CTNND2: variants seen among roughly 807,000 people sequenced by gnomAD.
CTNND2 encodes catenin delta 2.
A neutral mutation model predicts 144.4 loss-of-function variants in CTNND2; 22 were observed. The observed-to-expected ratio is 0.15, with a 90% CI of 0.11 to 0.22. The LOEUF is 0.22. Among genes scored for constraint, CTNND2 ranks in the 10% least tolerant of loss-of-function variants. CTNND2 has a pLI of 1.00. For missense variants in CTNND2, 1,353 were observed against 1,618.8 expected (o/e 0.84, Z 2.82); for synonymous variants, 751 against 695.6 (o/e 1.08, Z -1.25).
At chr5:11,172,191 G>A (rs1208113526) in intron 11 of CTNND2, among the ~76,000 whole-genome samples, 1 of 152,114 alleles carries the variant, frequency 6.6e-6, no homozygotes, top group Non-Finnish European at 1.5e-5. Flanking sequence ...TGCTACCTAA[G>A]AATTTTTTTT....
chr5:11,138,970 G>A (rs764713613), intron 12 of CTNND2, among the ~76,000 whole-genome samples: 56 of 139,940 alleles, frequency 4.0e-4, no homozygotes, highest in Non-Finnish European at 8.1e-4. Context: ...GAGTCACAGA[G>A]TAAAAGGAAA....
chr5:11,619,641 T>C (rs1174449947), intron 2 of CTNND2, among the ~76,000 whole-genome samples: 1 of 152,222 alleles, frequency 6.6e-6, no homozygotes, highest in Non-Finnish European at 1.5e-5. Context: ...GTTTGCATGA[T>C]GGCATAGAAA....
chr5:11,187,854 C>G (rs1735801656), intron 11 of CTNND2, among the ~76,000 whole-genome samples: 2 of 152,170 alleles, frequency 1.3e-5, no homozygotes, highest in African/African-American at 2.4e-5. Context: ...ATGAAAAAAG[C>G]TCAACATCAC....
At chr5:11,831,907 G>C (rs1252718577) in intron 1 of CTNND2, among the ~76,000 whole-genome samples, 4 of 152,088 alleles carry the variant, frequency 2.6e-5, no homozygotes, top group Non-Finnish European at 5.9e-5. Flanking sequence ...AGAAGACAAT[G>C]TAAGAGTTAG....
chr5:11,525,202 T>A (rs562895124), intron 3 of CTNND2, among the ~76,000 whole-genome samples: 1 of 152,220 alleles, frequency 6.6e-6, no homozygotes, highest in South Asian at 2.1e-4. Context: ...GAGTTACATA[T>A]CAAAGGAGAT....
chr5:10,981,808 A>G lies in CTNND2; in HGVS notation c.3382T>C (p.Tyr1128His), dbSNP rs369587014. The change falls in exon 21 of 22, where the codon TAT becomes CAT. Residue 1128 changes from tyrosine (Y) to histidine (H), a missense_variant. Coordinates refer to ENST00000304623, the MANE Select transcript of CTNND2 (RefSeq NM_001332.4). The stretch of plus-strand genomic sequence containing the variant: ...TTGATGTCTTCAGCGGGCGCACCAT[A>G]AGAATTCCTATACAAAGTTGAAATT... ...TGISTLYRNS[Y>H]GAPAEDIKHN... 1 of 1,613,940 alleles carries G rather than the reference A, an allele frequency of 6.2e-7. No individual in the cohort carries two copies. Among genetic ancestry groups the G allele is most frequent in the African/African-American group, 1.3e-5 (1 of 74,910 alleles).
chr5:11,507,113 CTGGG>C (rs1363184638), intron 3 of CTNND2, among the ~76,000 whole-genome samples: 5 of 152,300 alleles, frequency 3.3e-5, no homozygotes, highest in African/African-American at 1.2e-4. Context: ...AGGCTCGTAC[CTGGG>C]ACAGTACACA....
At chr5:11,743,840 T>A (rs1302493820) in intron 1 of CTNND2, among the ~76,000 whole-genome samples, 1 of 151,966 alleles carries the variant, frequency 6.6e-6, no homozygotes, top group Non-Finnish European at 1.5e-5. Flanking sequence ...AGTGGGAGGG[T>A]CAACATAGCT....
chr5:11,252,000 C>CT (rs907582932), intron 9 of CTNND2, among the ~76,000 whole-genome samples: 1 of 152,230 alleles, frequency 6.6e-6, no homozygotes, highest in East Asian at 1.9e-4. Context: ...ATTGCTTTAT[C>CT]TTTTTTTACA....
At chr5:11,522,945 G>A (rs1772879629) in intron 3 of CTNND2, among the ~76,000 whole-genome samples, 1 of 152,218 alleles carries the variant, frequency 6.6e-6, no homozygotes, top group Admixed American at 6.5e-5. Context: ...GTTGCTGTGT[G>A]AAAACTGGGA....
At chr5:11,862,067 G>A (rs190575538) in intron 1 of CTNND2, among the ~76,000 whole-genome samples, 130 of 152,224 alleles carry the variant, frequency 8.5e-4, no homozygotes, top group African/African-American at 3.0e-3. Flanking sequence ...TGCCTCATTA[G>A]ATAATCTATA....
chr5:11,264,756 C>A (rs562178901), intron 9 of CTNND2, among the ~76,000 whole-genome samples: 2 of 152,138 alleles, frequency 1.3e-5, no homozygotes, highest in Admixed American at 6.5e-5. Flanking sequence ...ATGGGGAAAC[C>A]CTGTCTGTAC....
intron 3 of CTNND2, among the ~76,000 whole-genome samples, chr5:11,507,864 G>A (rs1221147404): frequency 2.0e-5 from 3 of 152,136 alleles, no homozygotes; most frequent in Non-Finnish European, 1.5e-5. Context: ...CCGTCCTGGC[G>A]AGGAGGTCCC....
intron 1 of CTNND2, among the ~76,000 whole-genome samples, chr5:11,749,178 T>C (rs1416862389): frequency 2.0e-5 from 3 of 151,968 alleles, no homozygotes; most frequent in Admixed American, 2.0e-4. Flanking sequence ...CTAGCTCCCA[T>C]CTTGACTGAA....
At chr5:11,266,919 C>T (rs1270097956) in intron 9 of CTNND2, among the ~76,000 whole-genome samples, 6 of 152,188 alleles carry the variant, frequency 3.9e-5, no homozygotes, top group Non-Finnish European at 7.3e-5. Context: ...AACTCTGTTG[C>T]CCAGGCTGGA....
At chr5:11,003,112 A>T (rs1339924613) in intron 18 of CTNND2, among the ~76,000 whole-genome samples, 1 of 152,192 alleles carries the variant, frequency 6.6e-6, no homozygotes, top group Non-Finnish European at 1.5e-5. Context: ...TTGGTACTGA[A>T]GTCACAAACA....
At chr5:11,452,577 T>C (rs900207870) in intron 3 of CTNND2, among the ~76,000 whole-genome samples, 1 of 152,206 alleles carries the variant, frequency 6.6e-6, no homozygotes, top group Non-Finnish European at 1.5e-5. Flanking sequence ...TCACAATGTT[T>C]GATTTATAAT....
chr5:11,780,721 G>A lies in CTNND2; in HGVS notation c.38-48449C>T, dbSNP rs151242650. On this transcript the variant is annotated intron_variant, in intron 1 of 21. Transcript: ENST00000304623. ...GGAGGGAGATGCAAAGGGTAGGAGAGGCTGGCCCAGGATTTTCTAGAGTAA... is the reference window on the plus strand; with the variant it reads ...GGAGGGAGATGCAAAGGGTAGGAGAAGCTGGCCCAGGATTTTCTAGAGTAA... 3.3e-3 allele frequency among the ~76,000 whole-genome samples: 495 copies of A among 152,292 alleles called. 3 individuals are homozygous for A. Among genetic ancestry groups the A allele is most frequent in the Non-Finnish European group, 5.2e-3 (355 of 68,034 alleles).
At chr5:11,490,501 A>C (rs1769285207) in intron 3 of CTNND2, among the ~76,000 whole-genome samples, 1 of 152,086 alleles carries the variant, frequency 6.6e-6, no homozygotes, top group African/African-American at 2.4e-5. Flanking sequence ...AAAATGCCAG[A>C]TGTAATGAGA....
Sources: allele counts gnomAD v4.1 joint callset (sites outside exome capture counted in the v4.1 genomes callset), GRCh38; gene constraint gnomAD v4.1.1; transcripts MANE v1.5; gene names NCBI Gene and HGNC (gene_info 2026-07-23, HGNC 2026-07-21).